The following PPP2R3B variants were observed in gnomAD, a reference collection of about 807,000 sequenced individuals.
The protein encoded by PPP2R3B is protein phosphatase 2 regulatory subunit B''beta, also known as serine/threonine-protein phosphatase 2A regulatory subunit B'' subunit beta.
Under a neutral mutation model 72.9 loss-of-function variants are expected in PPP2R3B, and 68 were observed. The observed-to-expected ratio is 0.93, with a 90% CI of 0.77 to 1.14. The LOEUF (loss-of-function observed/expected upper bound fraction) is 1.14, where lower values mean the gene tolerates loss of function less well. Among genes scored for constraint, PPP2R3B ranks in the 50% most tolerant of loss-of-function variants. The pLI, the probability that PPP2R3B is intolerant of heterozygous loss-of-function variation, is 0.00. For synonymous variants in PPP2R3B, 466 were observed against 375.8 expected (o/e 1.24, Z -2.78); for missense variants, 1,018 against 842.0 (o/e 1.21, Z -2.59).
intron 10 of PPP2R3B, among the ~76,000 whole-genome samples, chrX:340,296 T>TCCGGCC (rs1414825342): frequency 1.4e-5 from 2 of 147,110 alleles, no homozygotes; most frequent in African/African-American, 5.1e-5. Flanking sequence ...CCCGGTGAGC[T>TCCGGCC]CCGGCCCTAG....
At chrX:348,395 G>A (rs1269414276) in intron 2 of PPP2R3B, among the ~76,000 whole-genome samples, 1 of 152,022 alleles carries the variant, frequency 6.6e-6, no homozygotes, top group African/African-American at 2.4e-5. Flanking sequence ...GGCCAACATG[G>A]TGAAACCTCG....
At chrX:345,009 A>C (rs2071166281) in intron 7 of PPP2R3B, 1 of 361,176 alleles carries the variant, frequency 2.8e-6, no homozygotes. Flanking sequence ...GCAAGTGTGG[A>C]TGACTCTTAG....
chrX:364,436 AG>A (rs1287212071), intron 1 of PPP2R3B, among the ~76,000 whole-genome samples: 1 of 140,762 alleles, frequency 7.1e-6, no homozygotes, highest in Non-Finnish European at 1.5e-5. Context: ...AAGGAGGCTG[AG>A]GGGGACAGAC....
chrX:345,986 C>T (rs1398685703), intron 6 of PPP2R3B, among the ~76,000 whole-genome samples, 188 bp downstream of exon 6: 1 of 142,582 alleles, frequency 7.0e-6, no homozygotes, highest in African/African-American at 2.6e-5. Flanking sequence ...CCCCCAACCG[C>T]AGGCGGCGGG....
chrX:362,016 G>T (rs1762058043), intron 1 of PPP2R3B, among the ~76,000 whole-genome samples: 1 of 152,194 alleles, frequency 6.6e-6, no homozygotes, highest in South Asian at 2.1e-4. Flanking sequence ...CTCAGACGTG[G>T]AGAGGCACAG....
Position 345,498 on chromosome X carries a change from C to A in PPP2R3B, c.1036+18G>T, listed in dbSNP as rs199980240. 6 of 1,612,250 alleles carry A rather than the reference C, an allele frequency of 3.7e-6. No individual in the cohort carries two copies. The South Asian group carries it at 6.6e-5, about 18-fold the overall frequency. On this transcript the variant is annotated intron_variant, in intron 7 of 12. Coordinates refer to ENST00000390665, the MANE Select transcript of PPP2R3B (RefSeq NM_013239.5). ...CTCGGTGTCCGCGCGGCCCGCCCGC[C>A]CCTGTGCCCCCACGCACCGTGGTCA... is the stretch of plus-strand genomic sequence containing the variant.
In PPP2R3B at chrX:345,590, C is replaced by G; in HGVS notation, c.962G>C (p.Cys321Ser). 1 of 1,613,310 alleles carries G rather than the reference C, an allele frequency of 6.2e-7. No individual in the cohort carries two copies. The highest frequency in any genetic ancestry group is 1.1e-5 in the South Asian group (1 of 91,072). The change falls in exon 7 of 13, where the codon TGC becomes TCC. Residue 321 changes from cysteine (C) to serine (S), a missense_variant. Physicochemically the swap from Cys to Ser is moderately radical, Grantham distance 112 (BLOSUM62 -1). Coordinates refer to ENST00000390665, the MANE Select transcript of PPP2R3B (RefSeq NM_013239.5). ...FSYEHFYVIY[C>S]KFWELDTDHD... ...GTCCGTGTCCAGCTCCCAGAACTTG[C>G]AGTAGATGACGTAGAAATGCTCGTA...
intron 1 of PPP2R3B, among the ~76,000 whole-genome samples, chrX:376,878 C>T (rs2072009461): frequency 1.0e-5 from 1 of 98,902 alleles, no homozygotes; most frequent in Admixed American, 9.3e-5. Flanking sequence ...CTACTGTATG[C>T]AGGGACGGGC....
At chrX:370,812 A>G (rs2071843866) in intron 1 of PPP2R3B, among the ~76,000 whole-genome samples, 1 of 152,142 alleles carries the variant, frequency 6.6e-6, no homozygotes. Flanking sequence ...TGCGTCAGGG[A>G]CGCCCAGAGC....
chrX:342,462 G>GGAGACCTCGCCAACGGGAGGCGGGAGT (rs2071105757), intron 7 of PPP2R3B, among the ~76,000 whole-genome samples: 1 of 78,330 alleles, frequency 1.3e-5, no homozygotes, highest in Non-Finnish European at 2.6e-5. Context: ...GAGGCGGGAG[G>GGAGACCTCGCCAACGGGAGGCGGGAGT]GAGACCTCAG....
At chrX:363,337 A>T (rs1281038342) in intron 1 of PPP2R3B, among the ~76,000 whole-genome samples, 43 of 2,184 alleles carry the variant, frequency 0.02, no homozygotes, top group African/African-American at 0.026. Flanking sequence ...CATCTCCCCG[A>T]GCCCACCATC....
intron 2 of PPP2R3B, among the ~76,000 whole-genome samples, chrX:360,758 A>G (rs977833297): frequency 2.6e-5 from 4 of 152,308 alleles, no homozygotes; most frequent in African/African-American, 9.6e-5. Context: ...CCCTGGAAAC[A>G]CAACCACCCA....
At chrX:364,767 C>G (rs1208365052) in intron 1 of PPP2R3B, among the ~76,000 whole-genome samples, 1 of 79,872 alleles carries the variant, frequency 1.3e-5, no homozygotes, top group Non-Finnish European at 2.2e-5. Flanking sequence ...CCTGTACTCC[C>G]AGCTACTCGG....
At chrX:348,969 G>A (rs2071276834) in intron 2 of PPP2R3B, among the ~76,000 whole-genome samples, 1 of 152,158 alleles carries the variant, frequency 6.6e-6, no homozygotes, top group Non-Finnish European at 1.5e-5. Flanking sequence ...TATCACTGGA[G>A]AGCAGAGGCA....
chrX:364,182 G>A (rs1484863248), intron 1 of PPP2R3B, among the ~76,000 whole-genome samples: 4 of 152,332 alleles, frequency 2.6e-5, no homozygotes, highest in African/African-American at 7.2e-5. Context: ...CTCCCAGAAC[G>A]CGTCACCTTC....
chrX:350,301 C>T (rs1470893453), intron 2 of PPP2R3B, among the ~76,000 whole-genome samples: 5 of 152,178 alleles, frequency 3.3e-5, no homozygotes, highest in Non-Finnish European at 7.3e-5. Context: ...TGGAAGGAAA[C>T]GAGGGACGCT....
intron 6 of PPP2R3B, 89 bp from the exon 7 acceptor site, chrX:345,761 G>C: frequency 7.0e-7 from 1 of 1,433,116 alleles, no homozygotes; most frequent in South Asian, 1.3e-5. Context: ...GGAAGGCTGG[G>C]AGGGTCGGGG....
chrX:337,494 ACG>A (rs1404697434), intron 12 of PPP2R3B: 2 of 152,308 alleles, frequency 1.3e-5, no homozygotes, highest in African/African-American at 4.8e-5. Flanking sequence ...AAAAGTGACC[ACG>A]TCGCTCCAGC....
At chrX:368,864 G>A (rs2071792566) in intron 1 of PPP2R3B, among the ~76,000 whole-genome samples, 1 of 145,990 alleles carries the variant, frequency 6.8e-6, no homozygotes, top group Admixed American at 6.8e-5. Flanking sequence ...ACCGGGGGAA[G>A]GCCAGGACCA....
Sources: gnomAD v4.1 joint callset for allele counts (sites outside exome capture counted in the v4.1 genomes callset) on GRCh38, gnomAD v4.1.1 for gene constraint, MANE v1.5 for transcripts, NCBI Gene and HGNC (gene_info 2026-07-23, HGNC 2026-07-21) for gene names.